Variants in MAPRE1 observed in about 807,000 individuals in gnomAD.
MAPRE1 encodes the protein microtubule-associated protein RP/EB family member 1.
A neutral mutation model predicts 32.1 loss-of-function variants in MAPRE1; 5 were observed. The ratio of observed to expected loss-of-function variants is 0.16; its 90% CI spans 0.08 to 0.33. The LOEUF is 0.33. Among genes scored for constraint, MAPRE1 ranks in the 10% least tolerant of loss-of-function variants. The pLI is 1.00. For missense variants in MAPRE1, 209 were observed against 327.2 expected (o/e 0.64, Z 2.79); for synonymous variants, 122 against 118.9 (o/e 1.03, Z -0.17).
At chr20:32,843,125 GCA>G (rs1302972267) in intron 5 of MAPRE1, 2 of 152,098 alleles carry the variant, frequency 1.3e-5, no homozygotes, top group African/African-American at 4.8e-5. Context: ...TGTTTGGCCT[GCA>G]CAGAGTTTTA....
At chr20:32,820,214 C>T (rs1425154198) in intron 1 of MAPRE1, among the ~76,000 whole-genome samples, 186 bp downstream of exon 1, 1 of 147,656 alleles carries the variant, frequency 6.8e-6, no homozygotes, top group African/African-American at 2.6e-5. Context: ...GGGGCGCGCG[C>T]TGCGCTCTGC....
chr20:32,824,556 T>C (rs1982789382), intron 1 of MAPRE1, among the ~76,000 whole-genome samples: 1 of 152,252 alleles, frequency 6.6e-6, no homozygotes, highest in Non-Finnish European at 1.5e-5. Context: ...GCCCTACCAT[T>C]GCCAGGTAGC....
Position 32,833,719 on chromosome 20 carries a change from G to T in MAPRE1, c.124G>T (p.Ala42Ser). Residue 42 changes from alanine (A) to serine (S), a missense_variant and splice_region_variant, in exon 3 of 7, where the codon GCT becomes TCT. Ala to Ser is a moderately conservative substitution (Grantham distance 99). Around this residue, in one of 3 missense-constraint regions of MAPRE1, gnomAD observed 67 missense variants for 140.0 expected, o/e 0.48. Transcript: ENST00000375571. Reference sequence around the variant, plus strand: ...TTCTGTTGCCGTTGTTCTTTCAGGGGCTGCGTATTGTCAGTTTATGGACAT... The same window carrying T: ...TTCTGTTGCCGTTGTTCTTTCAGGGTCTGCGTATTGTCAGTTTATGGACAT... The part of the protein sequence containing the change: ...LTKIEQLCSG[A>S]AYCQFMDMLF... The T allele has an allele frequency of 6.2e-7, 1 of 1,609,712 alleles. No homozygotes were observed. Among genetic ancestry groups the T allele is most frequent in the Admixed American group, 1.7e-5 (1 of 59,804 alleles).
Position 32,826,012 on chromosome 20 carries a change from C to A in MAPRE1, c.85C>A (p.Gln29Lys), listed in dbSNP as rs1328471287. The A allele has an allele frequency of 6.2e-7, 1 of 1,608,702 alleles. No homozygotes were observed. The change falls in exon 2 of 7, where the codon CAG becomes AAG. Residue 29 changes from glutamine (Q) to lysine (K), a missense_variant. By Grantham distance (53) the Gln-to-Lys change is moderately conservative. Coordinates refer to ENST00000375571, the MANE Select transcript of MAPRE1 (RefSeq NM_012325.3). Reference protein sequence around the residue: ...DMLAWINESLQLNLTKIEQLC... With the variant: ...DMLAWINESLKLNLTKIEQLC... The stretch of plus-strand genomic sequence containing the variant: ...GCTGGCCTGGATCAATGAGTCTCTG[C>A]AGTTGAATCTGACAAAGATCGAACA...
rs928976824 is a variant in MAPRE1 at position 32,839,616 on chromosome 20, C to G, written c.476-119C>G. The G allele has an allele frequency of 4.3e-5, 59 of 1,374,276 alleles. 1 individual carries two copies. In the South Asian group the frequency reaches 6.9e-4, roughly 16 times the overall value. The allele number at this position is 1,374,276 out of a possible 1,614,324, so 85.1% of individuals were successfully genotyped here. The stretch of plus-strand genomic sequence containing the variant: ...ATGCGGGGGCTCTCTAGCATTGGTT[C>G]CCTTCACTGAACACCTGTGCAAGGC... On this transcript the variant is annotated intron_variant, in intron 4 of 6. Coordinates refer to ENST00000375571, the MANE Select transcript of MAPRE1 (RefSeq NM_012325.3).
intron 5 of MAPRE1, among the ~76,000 whole-genome samples, chr20:32,845,067 G>T (rs1188913954): frequency 1.3e-5 from 2 of 152,168 alleles, no homozygotes; most frequent in African/African-American, 4.8e-5. Context: ...ATGAGACAGG[G>T]TCTTGCTGTG....
intron 2 of MAPRE1, among the ~76,000 whole-genome samples, chr20:32,826,710 G>T (rs1397006617): frequency 6.6e-6 from 1 of 151,430 alleles, no homozygotes; most frequent in Non-Finnish European, 1.5e-5. Context: ...TGTATTTTTA[G>T]TGGAGACGGG....
At position 32,848,738 on chromosome 20, in the gene MAPRE1, C is replaced by T. The variant is rs1983572447; in HGVS notation, c.*10C>T. The T allele has an allele frequency of 6.2e-7, 1 of 1,607,964 alleles. No individual in the cohort carries two copies. ...GCAAGAAGAGTATTAACAGCCTGGA[C>T]CAGCAGAGCAACATCGGAATTCTTC... On this transcript the variant is annotated 3_prime_UTR_variant, in exon 7 of 7. Coordinates refer to ENST00000375571, the MANE Select transcript of MAPRE1 (RefSeq NM_012325.3).
At chr20:32,827,141 C>G (rs1279302169) in intron 2 of MAPRE1, among the ~76,000 whole-genome samples, 1 of 152,104 alleles carries the variant, frequency 6.6e-6, no homozygotes, top group Non-Finnish European at 1.5e-5. Flanking sequence ...TGTGGTGGCT[C>G]ACGCCTATAA....
chr20:32,828,162 A>C (rs1982919419), intron 2 of MAPRE1, among the ~76,000 whole-genome samples: 1 of 152,174 alleles, frequency 6.6e-6, no homozygotes, highest in African/African-American at 2.4e-5. Flanking sequence ...CATAGACAAC[A>C]GGCTGTTAGC....
At chr20:32,824,680 A>C (rs1474597953) in intron 1 of MAPRE1, among the ~76,000 whole-genome samples, 1 of 142,044 alleles carries the variant, frequency 7.0e-6, no homozygotes, top group Non-Finnish European at 1.5e-5. Flanking sequence ...AAGAATTTAT[A>C]GTTTTTTTTT....
intron 4 of MAPRE1, among the ~76,000 whole-genome samples, chr20:32,837,634 T>C (rs1983237592): frequency 6.6e-6 from 1 of 152,204 alleles, no homozygotes; most frequent in Non-Finnish European, 1.5e-5. Context: ...AGAGGGTAGG[T>C]TGAGTGCTTT....
Position 32,833,825 on chromosome 20 carries a change from T to C in MAPRE1, c.230T>C (p.Ile77Thr). 6.2e-7 allele frequency: 1 copy of C among 1,614,016 alleles called. No homozygotes were observed. The highest frequency in any genetic ancestry group is 8.5e-7 in the Non-Finnish European group (1 of 1,179,908). Reference protein sequence around the residue: ...LEHEYIQNFKILQAGFKRMGV... With the variant: ...LEHEYIQNFKTLQAGFKRMGV... ...CACGAGTACATCCAGAACTTCAAAA[T>C]ACTACAAGCAGGTTTTAAGAGAATG... is the stretch of plus-strand genomic sequence containing the variant. Residue 77 changes from isoleucine to threonine, a missense_variant, in exon 3 of 7, where the codon ATA (isoleucine) becomes ACA (threonine). Around this residue, in one of 3 missense-constraint regions of MAPRE1, gnomAD observed 67 missense variants for 140.0 expected, o/e 0.48. Coordinates refer to ENST00000375571, the MANE Select transcript of MAPRE1 (RefSeq NM_012325.3).
At chr20:32,835,258 A>G (rs1390133491) in intron 3 of MAPRE1, among the ~76,000 whole-genome samples, 2 of 152,118 alleles carry the variant, frequency 1.3e-5, no homozygotes, top group Non-Finnish European at 2.9e-5. Flanking sequence ...TGTGGCCAAC[A>G]CTTCAGTGAT....
In MAPRE1 at chr20:32,846,760, A is replaced by G; in HGVS notation, c.740A>G (p.Tyr247Cys). Residue 247 changes from tyrosine (Y) to cysteine (C), a missense_variant, in exon 6 of 7, where the codon TAT becomes TGT. Physicochemically the swap from Tyr to Cys is radical, Grantham distance 194 (BLOSUM62 -2). This residue lies in a region of MAPRE1 where 36 missense variants were observed against 71.9 expected (regional missense o/e 0.50). Transcript: ENST00000375571. ...TTGCAGAGGATTGTAGACATTCTGT[A>G]TGCCACAGATGTATGTGTTTGACAT... ...PVLQRIVDIL[Y>C]ATDEGFVIPD... 1 of 1,614,204 alleles carries G rather than the reference A, an allele frequency of 6.2e-7. No individual in the cohort carries two copies. Among genetic ancestry groups the G allele is most frequent in the Non-Finnish European group, 8.5e-7 (1 of 1,180,014 alleles).
chr20:32,829,880 G>C (rs1349677511), intron 2 of MAPRE1, among the ~76,000 whole-genome samples: 2 of 152,202 alleles, frequency 1.3e-5, no homozygotes, highest in African/African-American at 4.8e-5. Flanking sequence ...AGTCTCCGTA[G>C]TTTGGAGAGC....
chr20:32,846,620 C>T lies in MAPRE1; in HGVS notation c.600C>T (p.Val200=). The T allele has an allele frequency of 6.2e-7, 1 of 1,612,002 alleles. No individual in the cohort carries two copies. ...DDEAAELMQQ[V]NVLKLTVEDL... is the part of the protein sequence containing the mutation. ...ACCCTTTTTAATGTCTTGTGCAGGT[C>T]AACGTATTGAAACTTACTGTTGAAG... The change falls in exon 6 of 7, where the codon GTC becomes GTT. Residue 200 remains valine, a splice_region_variant and synonymous_variant. Transcript: ENST00000375571.
intron 1 of MAPRE1, among the ~76,000 whole-genome samples, chr20:32,823,604 T>C (rs1302378564): frequency 2.0e-5 from 3 of 152,234 alleles, no homozygotes; most frequent in Non-Finnish European, 2.9e-5. Flanking sequence ...AGCAAGATTC[T>C]ACCGCACTTA....
intron 2 of MAPRE1, among the ~76,000 whole-genome samples, chr20:32,827,437 AAAG>A (rs1982887857): frequency 6.6e-6 from 1 of 152,070 alleles, no homozygotes; most frequent in South Asian, 2.1e-4. Context: ...TAGTGATTTA[AAAG>A]AAGAACAAAA....
Sources: allele counts gnomAD v4.1 joint callset (sites outside exome capture counted in the v4.1 genomes callset), GRCh38; gene constraint gnomAD v4.1.1; regional missense constraint gnomAD v4.1.1; transcripts MANE v1.5; gene names NCBI Gene and HGNC (gene_info 2026-07-23, HGNC 2026-07-21).